TMPRSS9: variants seen among roughly 807,000 people sequenced by gnomAD.
The protein encoded by TMPRSS9 is transmembrane protease serine 9.
TMPRSS9 carries 113 observed loss-of-function variants against 111.4 expected under a neutral mutation model. That is an observed-to-expected ratio of 1.01 (90% CI 0.87 to 1.19). The LOEUF is 1.19. TMPRSS9 is among the 50% of genes most tolerant of loss of function. TMPRSS9 has a pLI of 0.00. For synonymous variants in TMPRSS9, 805 were observed against 659.1 expected, an observed-to-expected ratio of 1.22 and a Z score of -3.39; for missense variants, 1,803 against 1,513.1, an observed-to-expected ratio of 1.19 and a Z score of -3.18.
chr19:2,389,999 T>C, intron 1 of TMPRSS9, 72 bp downstream of exon 2: 1 of 1,543,130 alleles, frequency 6.5e-7, no homozygotes, highest in Non-Finnish European at 8.8e-7. Flanking sequence ...AGTGACTTGA[T>C]GGTGTCTCCT....
At chr19:2,405,437 C>T (rs375420956) in exon 7 of TMPRSS9, 79 of 1,607,878 alleles carry the variant, frequency 4.9e-5, no homozygotes, top group Non-Finnish European at 6.1e-5. Flanking sequence ...GAAGCATCCC[C>T]GGGGGAGTTT....
intron 12 of TMPRSS9, among the ~76,000 whole-genome samples, chr19:2,417,180 C>A (rs150202315): frequency 6.6e-6 from 1 of 152,052 alleles, no homozygotes; most frequent in South Asian, 2.1e-4. Flanking sequence ...AAATGTTTGC[C>A]GGCGGCCACA....
rs776945390 is a variant in TMPRSS9 at position 2,421,842 on chromosome 19, C to T, written c.2155-12C>T. ...CTGGAGGACCAACCAGTGCTCTTTC[C>T]TTCCTTTCTAGGGTGACTCTGGGGG... On this transcript the variant is annotated splice_polypyrimidine_tract_variant and intron_variant, in intron 13 of 17. Transcript: ENST00000648592. 6 of 1,580,320 alleles carry T rather than the reference C, an allele frequency of 3.8e-6. No individual in the cohort carries two copies. The highest frequency in any genetic ancestry group is 5.2e-6 in the Non-Finnish European group (6 of 1,162,580).
At chr19:2,408,579 C>G in exon 8 of TMPRSS9, 1 of 1,613,542 alleles carries the variant, frequency 6.2e-7, no homozygotes, top group East Asian at 2.2e-5. Context: ...CATCTTCCCA[C>G]CCAGCAAGAA....
intron 1 of TMPRSS9, among the ~76,000 whole-genome samples, chr19:2,363,813 C>CGCGCGCGT (rs1445768519): frequency 1.1e-3 from 127 of 112,830 alleles, no homozygotes; most frequent in African/African-American, 4.0e-3. Context: ...TGCGTGCGCG[C>CGCGCGCGT]GTGTGTGTGT....
chr19:2,379,797 G>T (rs1970372383), intron 1 of TMPRSS9, among the ~76,000 whole-genome samples: 1 of 137,728 alleles, frequency 7.3e-6, no homozygotes, highest in African/African-American at 2.8e-5. Context: ...CTTTTCTCTT[G>T]CCCATCTCAA....
At chr19:2,384,341 T>C (rs1970427795) in intron 1 of TMPRSS9, among the ~76,000 whole-genome samples, 1 of 152,174 alleles carries the variant, frequency 6.6e-6, no homozygotes, top group African/African-American at 2.4e-5. Flanking sequence ...CATGCAGAGT[T>C]TGAGGTTAAG....
chr19:2,419,357 C>A (rs1971411824), intron 13 of TMPRSS9, among the ~76,000 whole-genome samples: 1 of 150,326 alleles, frequency 6.7e-6, no homozygotes, highest in Non-Finnish European at 1.5e-5. Context: ...GCGCCCGCCA[C>A]CATGCCCAGC....
chr19:2,397,135 G>A (rs905797048), intron 2 of TMPRSS9, among the ~76,000 whole-genome samples: 2 of 151,876 alleles, frequency 1.3e-5, no homozygotes, highest in Non-Finnish European at 2.9e-5. Context: ...AGGACAGGAT[G>A]GTCTTGAACT....
chr19:2,406,699 G>A (rs969050859), intron 7 of TMPRSS9, among the ~76,000 whole-genome samples: 3 of 151,650 alleles, frequency 2.0e-5, no homozygotes, highest in Non-Finnish European at 2.9e-5. Context: ...CTGTGGTTTT[G>A]ACTTGGATTT....
intron 10 of TMPRSS9, 81 bp from the exon 12 acceptor site, chr19:2,415,589 G>T: frequency 7.6e-7 from 1 of 1,308,720 alleles, no homozygotes; most frequent in South Asian, 1.7e-5. Flanking sequence ...GGCTGCAACC[G>T]GTGTCCTGGG....
chr19:2,360,491 T>C lies in TMPRSS9; in HGVS notation c.-26+131T>C, dbSNP rs145877393. Among the ~76,000 whole-genome samples, 1,359 of 152,112 alleles carry C rather than the reference T, an allele frequency of 8.9e-3. 22 individuals are homozygous for C. The highest frequency in any genetic ancestry group is 0.03 in the African/African-American group (1,246 of 41,500). The stretch of plus-strand genomic sequence containing the variant: ...GTAGAGGTGGCGTGGCGGGAGTGTG[T>C]AGATGCAGCCAGGCTGTGTAGACAC... On this transcript the variant is annotated intron_variant, in intron 1 of 17. Transcript: ENST00000649857.
upstream of TMPRSS9, among the ~76,000 whole-genome samples, chr19:2,385,120 G>A (rs1353132652): frequency 6.6e-6 from 1 of 150,380 alleles, no homozygotes; most frequent in African/African-American, 2.5e-5. Context: ...TTGGTGAGAA[G>A]GGGTCACAGC....
exon 13 of TMPRSS9, chr19:2,418,087 A>G: frequency 1.2e-6 from 2 of 1,612,372 alleles, no homozygotes; most frequent in African/African-American, 1.3e-5. Flanking sequence ...TCTCCCTCAC[A>G]GACCGCATGA....
At chr19:2,390,256 T>TTTG in intron 1 of TMPRSS9, among the ~76,000 whole-genome samples, 1 of 119,732 alleles carries the variant, frequency 8.4e-6, no homozygotes. Context: ...TTTTTTTTTT[T>TTTG]TTGAGACGGA....
chr19:2,409,986 G>A (rs1219944509), intron 8 of TMPRSS9, among the ~76,000 whole-genome samples: 1 of 152,094 alleles, frequency 6.6e-6, no homozygotes, highest in African/African-American at 2.4e-5. Flanking sequence ...CCCTGAGATG[G>A]GGAATGCTGA....
At chr19:2,393,609 A>G (rs1023890742) in intron 1 of TMPRSS9, among the ~76,000 whole-genome samples, 3 of 152,126 alleles carry the variant, frequency 2.0e-5, no homozygotes, top group African/African-American at 7.2e-5. Context: ...AATGCAAACA[A>G]TTAGCCAGGG....
chr19:2,363,205 C>T (rs1970216180), intron 1 of TMPRSS9, among the ~76,000 whole-genome samples: 1 of 152,222 alleles, frequency 6.6e-6, no homozygotes, highest in Non-Finnish European at 1.5e-5. Context: ...CATTCTTGGA[C>T]TGTCTAAAAT....
upstream of TMPRSS9, among the ~76,000 whole-genome samples, chr19:2,389,579 G>A (rs934023632): frequency 8.6e-5 from 13 of 151,872 alleles, no homozygotes; most frequent in South Asian, 2.1e-4. Context: ...TGTTGGCCGG[G>A]CTGATCTGGA....
Sources: allele counts gnomAD v4.1 joint callset (sites outside exome capture counted in the v4.1 genomes callset), GRCh38; gene constraint gnomAD v4.1.1; transcripts MANE v1.5; gene names NCBI Gene and HGNC (gene_info 2026-07-23, HGNC 2026-07-21).